KLHL5: variants seen among roughly 807,000 people sequenced by gnomAD.
The protein encoded by KLHL5 is kelch-like protein 5.
A neutral mutation model predicts 77.7 loss-of-function variants in KLHL5; 48 were observed. The ratio of observed to expected loss-of-function variants is 0.62; its 90% CI spans 0.49 to 0.79. KLHL5 has a LOEUF of 0.79. Among genes scored for constraint, KLHL5 ranks in the 30% least tolerant of loss-of-function variants. KLHL5 has a pLI of 0.00. For missense variants in KLHL5, 723 were observed against 859.7 expected, an observed-to-expected ratio of 0.84 and a Z score of 1.99; for synonymous variants, 260 against 297.0, an observed-to-expected ratio of 0.88 and a Z score of 1.28.
Position 39,101,124 on chromosome 4 carries a change from TTTTA to T in KLHL5, c.1301-2161_1301-2158del, listed in dbSNP as rs1291466576. ...ATTTTGTTAATTTTGGATATTTGGA[TTTTA>T]TATATATATATATATATATCTACCT... On this transcript the variant is annotated intron_variant, in intron 6 of 10. Transcript: ENST00000504108. Among the ~76,000 whole-genome samples the T allele has an allele frequency of 1.7e-4, 2 of 11,992 alleles. 1 individual carries two copies. Among genetic ancestry groups the T allele is most frequent in the Non-Finnish European group, 3.8e-4 (2 of 5,276 alleles). The allele number at this position is 11,992 out of a possible 152,430, so 7.9% of individuals were successfully genotyped here.
chr4:39,089,562 C>T (rs1266845562), intron 5 of KLHL5, among the ~76,000 whole-genome samples: 3 of 152,112 alleles, frequency 2.0e-5, no homozygotes, highest in Non-Finnish European at 4.4e-5. Flanking sequence ...GTGGTTGTTC[C>T]CAAACCTGGC....
chr4:39,071,937 A>G (rs1212762066), intron 1 of KLHL5, among the ~76,000 whole-genome samples: 3 of 152,218 alleles, frequency 2.0e-5, no homozygotes, highest in Non-Finnish European at 4.4e-5. Context: ...ATATAAGCAA[A>G]ACTAAGCAGA....
upstream of KLHL5, chr4:39,044,997 T>A: frequency 5.0e-6 from 5 of 991,332 alleles, no homozygotes; most frequent in Non-Finnish European, 6.0e-6. Flanking sequence ...GGGCCGAGCA[T>A]CCCACTCAGC....
In KLHL5 at chr4:39,115,344, G is replaced by A. The variant is rs375277106; in HGVS notation, c.2073+14G>A. 1.1e-5 allele frequency: 18 copies of A among 1,613,508 alleles called. No homozygotes were observed. In the African/African-American group the frequency reaches 2.3e-4, roughly 20 times the overall value. Reference sequence around the variant, plus strand: ...GAGTGGACCCAGGTATGGCATTCATGTTTCATTATTACACTGACTCTCTTT... The same window carrying A: ...GAGTGGACCCAGGTATGGCATTCATATTTCATTATTACACTGACTCTCTTT... On this transcript the variant is annotated intron_variant, in intron 10 of 10. Transcript: ENST00000504108.
intron 2 of KLHL5, among the ~76,000 whole-genome samples, chr4:39,076,924 G>A (rs1485169382): frequency 2.6e-5 from 4 of 150,966 alleles, no homozygotes; most frequent in Admixed American, 1.3e-4. Context: ...TAAATAGATG[G>A]GACTTAATTA....
At chr4:39,142,410 G>T in the KLHL5 span, among the ~76,000 whole-genome samples, 1 of 150,360 alleles carries the variant, frequency 6.7e-6, no homozygotes, top group African/African-American at 2.4e-5. Context: ...AAAAAAAAAA[G>T]ATTTATTTAG....
chr4:39,080,168 A>C (rs1396203973), intron 2 of KLHL5, among the ~76,000 whole-genome samples: 1 of 152,190 alleles, frequency 6.6e-6, no homozygotes, highest in African/African-American at 2.4e-5. Flanking sequence ...ATGTTTATTT[A>C]AAATCTATTT....
rs551823237 is a variant in KLHL5, at chr4:39,049,999, C to T, written c.-95+4903C>T. On this transcript the variant is annotated intron_variant, in intron 1 of 11. Transcript: ENST00000261425. ...CTGAGGCAGGAGAATCGCTTGAACC[C>T]GGGAAGCAGAGGTTGCGGTAAGCTG... 7.9e-5 allele frequency among the ~76,000 whole-genome samples: 12 copies of T among 152,118 alleles called. No individual in the cohort carries two copies. The East Asian group carries it at 1.5e-3, about 20-fold the overall frequency.
intron 4 of KLHL5, among the ~76,000 whole-genome samples, chr4:39,083,036 A>G (rs767692571): frequency 6.6e-5 from 10 of 152,296 alleles, no homozygotes; most frequent in Admixed American, 6.5e-4. Context: ...ATTCACATAC[A>G]TATGTACAGT....
downstream of KLHL5, among the ~76,000 whole-genome samples, chr4:39,129,442 T>G (rs1364681338): frequency 6.6e-6 from 1 of 152,198 alleles, no homozygotes; most frequent in Non-Finnish European, 1.5e-5. The surrounding 1 kb of genome is among the most constrained non-coding windows in gnomAD (Gnocchi z 4.2). Context: ...ACTCCTGACC[T>G]CGTGATCCGC....
chr4:39,097,021 C>T (rs1158268276), intron 6 of KLHL5, 143 bp downstream of exon 6: 6 of 667,280 alleles, frequency 9.0e-6, no homozygotes, highest in East Asian at 2.7e-5. Flanking sequence ...GTGTAACATC[C>T]TCTAGGCCAG....
intron 1 of KLHL5, among the ~76,000 whole-genome samples, chr4:39,045,614 C>G (rs1716123177): frequency 6.6e-6 from 1 of 152,028 alleles, no homozygotes; most frequent in Non-Finnish European, 1.5e-5. Context: ...TTCCCGAGAC[C>G]CGGCGTGCCT....
At chr4:39,118,538 C>T (rs369858066) in intron 10 of KLHL5, among the ~76,000 whole-genome samples, 7 of 152,216 alleles carry the variant, frequency 4.6e-5, no homozygotes, top group Non-Finnish European at 8.8e-5. Context: ...GGTGGGTCAC[C>T]TGAGGTCAGG....
At chr4:39,115,659 AG>A in intron 10 of KLHL5, 4 of 1,316,168 alleles carry the variant, frequency 3.0e-6, no homozygotes, top group Non-Finnish European at 3.9e-6. Context: ...AATAAAAACA[AG>A]GATAGTAGTC....
At chr4:39,082,225 A>C (rs1719683240) in intron 4 of KLHL5, 66 bp downstream of exon 4, 1 of 1,253,194 alleles carries the variant, frequency 8.0e-7, no homozygotes. Context: ...TTGCAGGCTT[A>C]TCTGCATGTT....
intron 5 of KLHL5, among the ~76,000 whole-genome samples, chr4:39,095,063 T>C (rs1213737572): frequency 6.6e-6 from 1 of 151,968 alleles, no homozygotes; most frequent in Non-Finnish European, 1.5e-5. Context: ...AATAGACAAA[T>C]GATTAAAAAT....
At chr4:39,101,364 T>G (rs1721530287) in intron 6 of KLHL5, among the ~76,000 whole-genome samples, 1 of 151,898 alleles carries the variant, frequency 6.6e-6, no homozygotes, top group Admixed American at 6.6e-5. Context: ...ATTTATTTAA[T>G]GGAAGGGATA....
rs1717547998 is a variant in KLHL5 at position 39,062,766 on chromosome 4, A to G, written c.114A>G (p.Glu38=). 6.2e-7 allele frequency: 1 copy of G among 1,614,042 alleles called. No individual in the cohort carries two copies. Among genetic ancestry groups the G allele is most frequent in the African/African-American group, 1.3e-5 (1 of 74,934 alleles). Residue 38 remains glutamate (E), a synonymous_variant, in exon 1 of 11, where the codon GAA becomes GAG. Coordinates refer to ENST00000504108, the MANE Select transcript of KLHL5 (RefSeq NM_015990.5). ...PNSTVDSQQG[E]FWNRGQTGAN... ...CTACAGTTGACAGCCAGCAGGGAGAATTTTGGAACCGAGGACAGACTGGAG... is the reference window on the plus strand; with the variant it reads ...CTACAGTTGACAGCCAGCAGGGAGAGTTTTGGAACCGAGGACAGACTGGAG...
intron 1 of KLHL5, among the ~76,000 whole-genome samples, chr4:39,075,518 T>C (rs906027522): frequency 2.6e-5 from 4 of 152,192 alleles, no homozygotes; most frequent in African/African-American, 4.8e-5. Flanking sequence ...ATAACACTGT[T>C]TTTATGACAA....
Sources: gnomAD v4.1 joint callset for allele counts (sites outside exome capture counted in the v4.1 genomes callset) on GRCh38, gnomAD v4.1.1 for gene constraint, Gnocchi (gnomAD v3.1) non-coding constraint, MANE v1.5 for transcripts, NCBI Gene and HGNC (gene_info 2026-07-23, HGNC 2026-07-21) for gene names.